The following CXCR6 variants were observed in gnomAD, a reference collection of about 807,000 sequenced individuals.
The protein encoded by CXCR6 is C-X-C motif chemokine receptor 6.
Under a neutral mutation model 1.6 loss-of-function variants are expected in CXCR6, and 3 were observed. That is an observed-to-expected ratio of 1.83 (90% CI 0.83 to 4.72). The LOEUF is 4.72. Among genes scored for constraint, CXCR6 ranks in the 30% most tolerant of loss-of-function variants. CXCR6 has a pLI of 0.02. For synonymous variants in CXCR6, 171 were observed against 159.2 expected, an observed-to-expected ratio of 1.07 and a Z score of -0.56; for missense variants, 326 against 414.8, an observed-to-expected ratio of 0.79 and a Z score of 1.86.
intron 1 of CXCR6, among the ~76,000 whole-genome samples, chr3:45,944,582 A>C (rs940761746): frequency 6.6e-6 from 1 of 152,236 alleles, no homozygotes; most frequent in African/African-American, 2.4e-5. Context: ...AGGATAAAGA[A>C]ATGAATGTTT....
chr3:45,945,667 T>C (rs1249038656), intron 1 of CXCR6: 1 of 152,136 alleles, frequency 6.6e-6, no homozygotes, highest in African/African-American at 2.4e-5. Flanking sequence ...TGTTCAGAAG[T>C]CTTCAGGAAA....
At chr3:45,944,651 G>A (rs1014089165) in intron 1 of CXCR6, among the ~76,000 whole-genome samples, 3 of 151,998 alleles carry the variant, frequency 2.0e-5, no homozygotes, top group African/African-American at 7.3e-5. Flanking sequence ...CACTGTCCAG[G>A]CCCAATCTGT....
chr3:45,941,268 G>C (rs1704209128), upstream of CXCR6: 1 of 152,136 alleles, frequency 6.6e-6, no homozygotes, highest in Admixed American at 6.5e-5. Context: ...CTGAATCCTG[G>C]AACTGATAAC....
In CXCR6 at chr3:45,947,793, G is replaced by A. The variant is rs1215882974; in HGVS notation, c.*283G>A. ...AAGGGGGATGACATGTGACTCCTAT[G>A]ATCTCAGGTTCTCCTTGATTGGGAC... On this transcript the variant is annotated 3_prime_UTR_variant, in exon 2 of 2. Coordinates refer to ENST00000304552, the MANE Select transcript of CXCR6 (RefSeq NM_006564.2). 4 of 419,098 alleles carry A rather than the reference G, an allele frequency of 9.5e-6. No individual in the cohort carries two copies. The highest frequency in any genetic ancestry group is 9.5e-5 in the East Asian group (2 of 21,136). The allele number at this position is 419,098 out of a possible 1,614,324, so 26.0% of individuals were successfully genotyped here.
upstream of CXCR6, among the ~76,000 whole-genome samples, chr3:45,942,162 G>A (rs3774639): frequency 0.34 from 51,533 of 152,114 alleles, 10,589 homozygotes; most frequent in East Asian, 0.66. Context: ...TTTTATCAGG[G>A]CCCCCTGGCA....
In CXCR6 at chr3:45,946,672, G is replaced by C. The variant is rs1242209050; in HGVS notation, c.191G>C (p.Ser64Thr). The change falls in exon 2 of 2, where the codon AGC becomes ACC. Residue 64 changes from serine to threonine, a missense_variant. Transcript: ENST00000304552. ...TCCATCTTCTACCATAAGTTGCAGA[G>C]CCTGACGGATGTGTTCCTGGTGAAC... ...VISIFYHKLQSLTDVFLVNLP... is the reference protein window; with the variant it reads ...VISIFYHKLQTLTDVFLVNLP... The C allele has an allele frequency of 6.2e-7, 1 of 1,614,220 alleles. No individual in the cohort carries two copies. Among genetic ancestry groups the C allele is most frequent in the Non-Finnish European group, 8.5e-7 (1 of 1,180,032 alleles).
In CXCR6 at chr3:45,947,056, T is replaced by C. The variant is rs778813203; in HGVS notation, c.575T>C (p.Leu192Pro). 2.5e-6 allele frequency: 4 copies of C among 1,614,244 alleles called. No individual in the cohort carries two copies. Among genetic ancestry groups the C allele is most frequent in the Non-Finnish European group, 3.4e-6 (4 of 1,180,038 alleles). Residue 192 changes from leucine to proline, a missense_variant, in exon 2 of 2, where the codon CTT becomes CCT. Physicochemically the swap from Leu to Pro is moderately conservative, Grantham distance 98. Coordinates refer to ENST00000304552, the MANE Select transcript of CXCR6 (RefSeq NM_006564.2). ...GACGAGGCAATTTCCACTGTGGTTC[T>C]TGCCACCCAGATGACACTGGGGTTC... is the stretch of plus-strand genomic sequence containing the variant. ...YHDEAISTVV[L>P]ATQMTLGFFL...
intron 1 of CXCR6, among the ~76,000 whole-genome samples, chr3:45,944,458 CTATTT>C (rs1438036559): frequency 6.6e-6 from 1 of 151,970 alleles, no homozygotes; most frequent in African/African-American, 2.4e-5. Flanking sequence ...TAAGTATATT[CTATTT>C]TATGTATGAA....
Position 45,947,030 on chromosome 3 carries a change from T to A in CXCR6, c.549T>A (p.His183Gln). ...FNLDKLICGY[H>Q]DEAISTVVLA... ...TCGACAAGCTCATATGTGGTTACCA[T>A]GACGAGGCAATTTCCACTGTGGTTC... Residue 183 changes from histidine to glutamine, a missense_variant, in exon 2 of 2, where the codon CAT (histidine) becomes CAA (glutamine). Transcript: ENST00000304552. The A allele has an allele frequency of 6.2e-7, 1 of 1,614,236 alleles. No homozygotes were observed. The highest frequency in any genetic ancestry group is 8.5e-7 in the Non-Finnish European group (1 of 1,180,034).
rs554390639 is a variant in CXCR6, at chr3:45,943,604, T to C, written c.-22+64T>C. 7 of 152,330 alleles carry C rather than the reference T, an allele frequency of 4.6e-5. No individual in the cohort carries two copies. In the South Asian group the frequency reaches 1.2e-3, roughly 27 times the overall value. The allele number at this position is 152,330 out of a possible 1,614,324, so 9.4% of individuals were successfully genotyped here. On this transcript the variant is annotated intron_variant, in intron 1 of 1. Coordinates refer to ENST00000304552, the MANE Select transcript of CXCR6 (RefSeq NM_006564.2). ...CAGGGAGGACTAACCCCAGGTATTG[T>C]TGGTATTCTCAGATTCCTGTCTGTA...
Position 45,947,514 on chromosome 3 carries a change from T to G in CXCR6, c.*4T>G. On this transcript the variant is annotated 3_prime_UTR_variant, in exon 2 of 2. Coordinates refer to ENST00000304552, the MANE Select transcript of CXCR6 (RefSeq NM_006564.2). ...CACCAGCATGTTCCAGTTATAGGCC[T>G]TGCCAGGGTTTCGAGAAGCTGCTCT... The G allele has an allele frequency of 1.2e-6, 2 of 1,608,266 alleles. No homozygotes were observed. The highest frequency in any genetic ancestry group is 1.7e-6 in the Non-Finnish European group (2 of 1,175,252).
chr3:45,944,982 C>T (rs569577827), intron 1 of CXCR6: 1 of 152,288 alleles, frequency 6.6e-6, no homozygotes, highest in South Asian at 2.1e-4. Flanking sequence ...TGACCTATCA[C>T]CCTTAGAGAT....
Position 45,947,242 on chromosome 3 carries a change from G to T in CXCR6, c.761G>T (p.Arg254Leu), listed in dbSNP as rs781587134. The change falls in exon 2 of 2, where the codon CGC (arginine) becomes CTC (leucine). Residue 254 changes from arginine (R) to leucine (L), a missense_variant. Arg to Leu is a moderately radical substitution (Grantham distance 102). Transcript: ENST00000304552. The stretch of plus-strand genomic sequence containing the variant: ...CCCTTCAACCTCATGAAGTTCATCC[G>T]CAGCACACACTGGGAATACTATGCC... ...QMPFNLMKFI[R>L]STHWEYYAMT... 1.9e-6 allele frequency: 3 copies of T among 1,613,994 alleles called. No homozygotes were observed. Among genetic ancestry groups the T allele is most frequent in the African/African-American group, 2.7e-5 (2 of 74,898 alleles).
At chr3:45,941,865 C>T (rs1459613896), upstream of CXCR6, among the ~76,000 whole-genome samples, 1 of 152,208 alleles carries the variant, frequency 6.6e-6, no homozygotes, top group Non-Finnish European at 1.5e-5. Context: ...TAAAACTCAG[C>T]TCTCAAAGCT....
At chr3:45,944,658 C>A (rs1704467736) in intron 1 of CXCR6, among the ~76,000 whole-genome samples, 1 of 152,108 alleles carries the variant, frequency 6.6e-6, no homozygotes, top group African/African-American at 2.4e-5. Context: ...CAGGCCCAAT[C>A]TGTTTACCAA....
Position 45,947,323 on chromosome 3 carries a change from C to T in CXCR6, c.842C>T (p.Ala281Val). Reference sequence around the variant, plus strand: ...ACAGAGGCCATCGCATACCTGAGGGCCTGCCTTAACCCTGTGCTCTATGCC... The same window carrying T: ...ACAGAGGCCATCGCATACCTGAGGGTCTGCCTTAACCCTGTGCTCTATGCC... Reference protein sequence around the residue: ...MVTEAIAYLRACLNPVLYAFV... With the variant: ...MVTEAIAYLRVCLNPVLYAFV... The change falls in exon 2 of 2, where the codon GCC becomes GTC. Residue 281 changes from alanine (A) to valine (V), a missense_variant. By Grantham distance (64) the Ala-to-Val change is moderately conservative (BLOSUM62 0). Transcript: ENST00000304552. 3 of 1,614,198 alleles carry T rather than the reference C, an allele frequency of 1.9e-6. No homozygotes were observed. The highest frequency in any genetic ancestry group is 2.2e-5 in the East Asian group (1 of 44,888).
rs994124158 is a variant in CXCR6 at position 45,947,792 on chromosome 3, T to C, written c.*282T>C. ...CAAGGGGGATGACATGTGACTCCTATGATCTCAGGTTCTCCTTGATTGGGA... is the reference window on the plus strand; with the variant it reads ...CAAGGGGGATGACATGTGACTCCTACGATCTCAGGTTCTCCTTGATTGGGA... On this transcript the variant is annotated 3_prime_UTR_variant, in exon 2 of 2. Coordinates refer to ENST00000304552, the MANE Select transcript of CXCR6 (RefSeq NM_006564.2). 1.4e-5 allele frequency: 6 copies of C among 418,958 alleles called. No homozygotes were observed. The Admixed American group carries it at 2.4e-4, about 17-fold the overall frequency. 26.0% of individuals were successfully genotyped at this position (418,958 alleles called of 1,614,324 possible).
In CXCR6 at chr3:45,946,752, G is replaced by T. The variant is rs1559449133; in HGVS notation, c.271G>T (p.Gly91Cys). Residue 91 changes from glycine to cysteine, a missense_variant, in exon 2 of 2, where the codon GGC becomes TGC. Transcript: ENST00000304552. The part of the protein sequence containing the change: ...VCTLPFWAYA[G>C]IHEWVFGQVM... ...CACTCTGCCCTTCTGGGCCTATGCA[G>T]GCATCCATGAATGGGTGTTTGGCCA... 1.9e-6 allele frequency: 3 copies of T among 1,614,108 alleles called. No individual in the cohort carries two copies. Among genetic ancestry groups the T allele is most frequent in the Non-Finnish European group, 2.5e-6 (3 of 1,180,046 alleles).
upstream of CXCR6, chr3:45,940,946 C>A (rs949822773): frequency 6.6e-6 from 1 of 152,184 alleles, no homozygotes; most frequent in Admixed American, 6.5e-5. Flanking sequence ...AACCCCTGTA[C>A]GCGGTTTCCT....
Sources: allele counts gnomAD v4.1 joint callset (sites outside exome capture counted in the v4.1 genomes callset), GRCh38; gene constraint gnomAD v4.1.1; transcripts MANE v1.5; gene names NCBI Gene and HGNC (gene_info 2026-07-23, HGNC 2026-07-21).